ZPBP: variants seen among roughly 807,000 people sequenced by gnomAD.
ZPBP encodes the protein zona pellucida-binding protein 1.
ZPBP carries 26 observed loss-of-function variants against 44.8 expected under a neutral mutation model. That is an observed-to-expected ratio of 0.58 (90% CI 0.43 to 0.81). The LOEUF (loss-of-function observed/expected upper bound fraction) is 0.81. ZPBP is among the 30% of genes least tolerant of loss of function. The probability of loss-of-function intolerance (pLI) is 0.00; values close to 1 mark genes in which losing one functional copy is unlikely to be tolerated. For missense variants in ZPBP, 409 were observed against 434.0 expected (o/e 0.94, Z 0.51); for synonymous variants, 174 against 153.2 (o/e 1.14, Z -1.00).
chr7:49,943,292 T>G, intron 7 of ZPBP: 1 of 277,512 alleles, frequency 3.6e-6, no homozygotes, highest in South Asian at 3.8e-5. Flanking sequence ...TTTTTCCTAC[T>G]TAACTCCTTT....
intron 3 of ZPBP, among the ~76,000 whole-genome samples, chr7:50,072,421 G>A (rs1364645284): frequency 1.3e-5 from 2 of 152,228 alleles, no homozygotes; most frequent in Admixed American, 1.3e-4. Flanking sequence ...AAGGGATTGG[G>A]GGACCTTGCA....
chr7:49,941,030 G>A (rs1437389684), intron 7 of ZPBP, among the ~76,000 whole-genome samples: 4 of 152,076 alleles, frequency 2.6e-5, no homozygotes, highest in African/African-American at 9.7e-5. Context: ...ACATGCTCAG[G>A]ACCAAGCATA....
At chr7:49,902,343 A>C (rs961326056) in intron 1 of ZPBP, among the ~76,000 whole-genome samples, 1 of 152,052 alleles carries the variant, frequency 6.6e-6, no homozygotes, top group Admixed American at 6.6e-5. Flanking sequence ...AGAGGGAAGA[A>C]TCATTCCACC....
At chr7:49,950,038 T>C (rs1236473331) in intron 7 of ZPBP, among the ~76,000 whole-genome samples, 2 of 151,858 alleles carry the variant, frequency 1.3e-5, no homozygotes, top group African/African-American at 4.8e-5. Flanking sequence ...TTGAACAGAA[T>C]ATATAAACAA....
At chr7:49,877,243 C>A (rs1270039841) in intron 2 of ZPBP, among the ~76,000 whole-genome samples, 1 of 151,448 alleles carries the variant, frequency 6.6e-6, no homozygotes, top group African/African-American at 2.4e-5. Context: ...AGGTCGATCA[C>A]CTGAGGTCAG....
In ZPBP at chr7:49,907,429, A is replaced by C. The variant is rs370934454; in HGVS notation, n.412-6214T>G. On this transcript the variant is annotated intron_variant and non_coding_transcript_variant, in intron 1 of 2. Coordinates refer to the ZPBP transcript ENST00000465922. ...ATTAATTACTAGGAATGACATTTGCATTGTAATTTTTAAATTACATAACAG... is the reference window on the plus strand; with the variant it reads ...ATTAATTACTAGGAATGACATTTGCCTTGTAATTTTTAAATTACATAACAG... 6.6e-5 allele frequency among the ~76,000 whole-genome samples: 10 copies of C among 152,342 alleles called. No homozygotes were observed. In the East Asian group the frequency reaches 1.5e-3, roughly 24 times the overall value.
At chr7:50,025,529 A>G (rs1799282851) in intron 5 of ZPBP, among the ~76,000 whole-genome samples, 1 of 151,904 alleles carries the variant, frequency 6.6e-6, no homozygotes, top group South Asian at 2.1e-4. Flanking sequence ...CGGCAATTCA[A>G]GGGAGAAAAT....
chr7:49,863,081 A>AT (rs1562738406), intron 2 of ZPBP, among the ~76,000 whole-genome samples: 2 of 152,166 alleles, frequency 1.3e-5, no homozygotes, highest in African/African-American at 2.4e-5. Context: ...TCACCAGTGA[A>AT]ACCATCTGGT....
intron 1 of ZPBP, among the ~76,000 whole-genome samples, chr7:49,901,380 T>C (rs922814498): frequency 1.3e-5 from 2 of 151,848 alleles, no homozygotes; most frequent in Non-Finnish European, 3.0e-5. Flanking sequence ...ACAAGGTTAA[T>C]AGACAAAATT....
At chr7:49,924,467 C>G (rs1794151888) in intron 1 of ZPBP, among the ~76,000 whole-genome samples, 1 of 152,048 alleles carries the variant, frequency 6.6e-6, no homozygotes, top group Middle Eastern at 3.2e-3. Context: ...CCTGATAATT[C>G]AATTAAACTA....
At position 49,877,501 on chromosome 7, in the gene ZPBP, T is replaced by C. The variant is rs1184964050; in HGVS notation, n.509+23617A>G. Among the ~76,000 whole-genome samples the C allele has an allele frequency of 9.8e-4, 89 of 90,654 alleles. 14 individuals are homozygous for C. Among genetic ancestry groups the C allele is most frequent in the African/African-American group, 1.2e-3 (31 of 26,370 alleles). 59.5% of individuals were successfully genotyped at this position (90,654 alleles called of 152,430 possible). A position where few individuals can be genotyped will look rare whatever the true frequency, so the allele number is the denominator to read the frequency against. On this transcript the variant is annotated intron_variant and non_coding_transcript_variant, in intron 2 of 2. Transcript: ENST00000465922. ...AAAAAAATATATATATATATATATATATATATATATATATATAGTTATTTG... is the reference window on the plus strand; with the variant it reads ...AAAAAAATATATATATATATATATACATATATATATATATATAGTTATTTG...
chr7:50,079,070 T>C (rs1802242785), intron 3 of ZPBP, among the ~76,000 whole-genome samples: 1 of 151,546 alleles, frequency 6.6e-6, no homozygotes, highest in Admixed American at 6.6e-5. Flanking sequence ...AAATCTGTTA[T>C]CTATAAAGAG....
intron 5 of ZPBP, among the ~76,000 whole-genome samples, chr7:50,030,203 C>T (rs1322255450): frequency 2.6e-5 from 4 of 151,622 alleles, no homozygotes; most frequent in Admixed American, 2.0e-4. Flanking sequence ...GGGAAAAACT[C>T]TCAATGTATT....
At chr7:49,979,282 C>A (rs577905557) in intron 7 of ZPBP, among the ~76,000 whole-genome samples, 2 of 151,910 alleles carry the variant, frequency 1.3e-5, no homozygotes, top group South Asian at 4.2e-4. Flanking sequence ...TTTATATAAT[C>A]TTCTTGTATT....
At chr7:50,087,119 T>A (rs1250489081) in intron 2 of ZPBP, among the ~76,000 whole-genome samples, 1 of 151,950 alleles carries the variant, frequency 6.6e-6, no homozygotes, top group Non-Finnish European at 1.5e-5. Context: ...TACCAAACAA[T>A]TAACAGAATT....
intron 3 of ZPBP, among the ~76,000 whole-genome samples, chr7:50,067,462 T>C (rs915738472): frequency 1.4e-4 from 21 of 152,352 alleles, no homozygotes; most frequent in African/African-American, 5.1e-4. Flanking sequence ...GTCAGAGATA[T>C]TAGCTCTGCT....
At position 50,053,868 on chromosome 7, in the gene ZPBP, G is replaced by A. The variant is rs538045058; in HGVS notation, c.487+4121C>T. Among the ~76,000 whole-genome samples the A allele has an allele frequency of 5.9e-5, 9 of 152,046 alleles. No individual in the cohort carries two copies. In the South Asian group the frequency reaches 1.0e-3, roughly 18 times the overall value. On this transcript the variant is annotated intron_variant, in intron 4 of 7. Transcript: ENST00000046087. ...TTAAAAAATAGGCCTAGAAAATATAGGAAACAATTTTTCTTTTCTTTTCTT... is the reference window on the plus strand; with the variant it reads ...TTAAAAAATAGGCCTAGAAAATATAAGAAACAATTTTTCTTTTCTTTTCTT...
At chr7:49,965,543 T>G (rs1184554215) in intron 7 of ZPBP, among the ~76,000 whole-genome samples, 1 of 152,042 alleles carries the variant, frequency 6.6e-6, no homozygotes, top group African/African-American at 2.4e-5. Context: ...GAAAAATTAC[T>G]GCAAATGGAA....
intron 3 of ZPBP, among the ~76,000 whole-genome samples, chr7:50,076,398 T>A (rs1374322891): frequency 6.6e-6 from 1 of 151,914 alleles, no homozygotes; most frequent in Non-Finnish European, 1.5e-5. Flanking sequence ...CTCAACATAG[T>A]GCTGGAAGTC....
Sources: allele counts gnomAD v4.1 joint callset (sites outside exome capture counted in the v4.1 genomes callset), GRCh38; gene constraint gnomAD v4.1.1; transcripts MANE v1.5; gene names NCBI Gene and HGNC (gene_info 2026-07-23, HGNC 2026-07-21).